Variants in DGKB observed in about 807,000 individuals in gnomAD.
The protein encoded by DGKB is 90 kDa diacylglycerol kinase.
In DGKB, 67 loss-of-function variants were observed where a neutral mutation model predicts 114.3. The observed-to-expected ratio is 0.59, with a 90% confidence interval of 0.48 to 0.72. DGKB has a LOEUF of 0.72. Among genes scored for constraint, DGKB ranks in the 30% least tolerant of loss-of-function variants. DGKB has a pLI of 0.00. For synonymous variants in DGKB, 398 were observed against 323.1 expected (o/e 1.23, Z -2.49); for missense variants, 907 against 975.2 (o/e 0.93, Z 0.93).
At chr7:14,389,436 G>T (rs991612571) in intron 21 of DGKB, among the ~76,000 whole-genome samples, 1 of 152,196 alleles carries the variant, frequency 6.6e-6, no homozygotes, top group Admixed American at 6.5e-5. Flanking sequence ...GAAGGGATGA[G>T]ATTATAGTCC....
intron 23 of DGKB, among the ~76,000 whole-genome samples, chr7:14,242,750 C>A (rs527745331): frequency 1.3e-5 from 2 of 152,112 alleles, no homozygotes; most frequent in African/African-American, 4.8e-5. Context: ...TCACCTATAC[C>A]CTTCATAACC....
intron 19 of DGKB, among the ~76,000 whole-genome samples, chr7:14,574,881 A>C (rs1183754762): frequency 6.6e-6 from 1 of 152,160 alleles, no homozygotes; most frequent in Non-Finnish European, 1.5e-5. Flanking sequence ...TAAGCTTTAA[A>C]ATTTCGTTTC....
chr7:14,922,466 C>T (rs1173134742), intron 1 of DGKB, among the ~76,000 whole-genome samples: 1 of 150,632 alleles, frequency 6.6e-6, no homozygotes, highest in Non-Finnish European at 1.5e-5. Context: ...TAAATATTGT[C>T]ATACTACATT....
chr7:14,703,116 G>C (rs1372358079), intron 6 of DGKB, among the ~76,000 whole-genome samples: 1 of 152,172 alleles, frequency 6.6e-6, no homozygotes, highest in Non-Finnish European at 1.5e-5. Flanking sequence ...GGCATTTCAA[G>C]AGATTGTAGT....
chr7:14,939,583 C>T (rs542876876), intron 1 of DGKB, among the ~76,000 whole-genome samples: 2 of 148,496 alleles, frequency 1.3e-5, no homozygotes, highest in South Asian at 4.3e-4. Flanking sequence ...GGAAATAGAG[C>T]ACAAAGTAAA....
intron 25 of DGKB, among the ~76,000 whole-genome samples, chr7:14,159,185 C>A (rs772002784): frequency 1.3e-5 from 2 of 152,140 alleles, no homozygotes; most frequent in Admixed American, 6.6e-5. Flanking sequence ...GTATGCCTCA[C>A]CCCACGCTGC....
intron 23 of DGKB, among the ~76,000 whole-genome samples, chr7:14,314,298 C>CTGAG (rs756889200): frequency 3.3e-5 from 5 of 152,094 alleles, no homozygotes; most frequent in Non-Finnish European, 5.9e-5. Flanking sequence ...CTTTGACGAG[C>CTGAG]TGAGAGAAGA....
intron 20 of DGKB, among the ~76,000 whole-genome samples, chr7:14,488,338 T>C (rs1316503802): frequency 6.6e-6 from 1 of 152,192 alleles, no homozygotes; most frequent in African/African-American, 2.4e-5. Context: ...TTCACATAAT[T>C]AACTGTAAGC....
intron 21 of DGKB, among the ~76,000 whole-genome samples, chr7:14,463,008 A>T (rs149358053): frequency 0.014 from 2,160 of 152,296 alleles, 55 homozygotes; most frequent in African/African-American, 0.047. Flanking sequence ...TCCCTATTTA[A>T]AAAAAGGTGT....
In DGKB at chr7:14,682,223, C is replaced by T. The variant is rs185063659; in HGVS notation, c.1035+330G>A. 1.5e-3 allele frequency among the ~76,000 whole-genome samples: 229 copies of T among 152,062 alleles called. 1 individual carries two copies. The highest frequency in any genetic ancestry group is 5.3e-3 in the African/African-American group (220 of 41,506). On this transcript the variant is annotated intron_variant, in intron 12 of 25. Coordinates refer to ENST00000402815, the MANE Select transcript of DGKB (RefSeq NM_001350709.2). Reference sequence around the variant, plus strand: ...GAGTAAAGGGAGAGCTGAGTTCTACCCAAACAGTATCCTATTCTTATTGCT... The same window carrying T: ...GAGTAAAGGGAGAGCTGAGTTCTACTCAAACAGTATCCTATTCTTATTGCT...
At chr7:14,689,169 A>C (rs1042282607) in intron 9 of DGKB, among the ~76,000 whole-genome samples, 1 of 150,500 alleles carries the variant, frequency 6.6e-6, no homozygotes, top group African/African-American at 2.4e-5. Flanking sequence ...CCAAAAAAAA[A>C]ATTATGACAA....
chr7:14,237,781 T>A (rs1480780299), intron 23 of DGKB, among the ~76,000 whole-genome samples: 1 of 151,976 alleles, frequency 6.6e-6, no homozygotes, highest in Non-Finnish European at 1.5e-5. Context: ...TTTGCCTGTT[T>A]AAGATAACAT....
At chr7:14,250,878 G>A (rs1185038540) in intron 23 of DGKB, among the ~76,000 whole-genome samples, 2 of 152,166 alleles carry the variant, frequency 1.3e-5, no homozygotes, top group East Asian at 3.9e-4. Flanking sequence ...TTATCATAAT[G>A]TAATAACCTT....
chr7:14,860,945 A>G (rs959751865), intron 1 of DGKB, among the ~76,000 whole-genome samples: 5 of 151,992 alleles, frequency 3.3e-5, no homozygotes, highest in Non-Finnish European at 5.9e-5. Flanking sequence ...GACACAATGT[A>G]TGTCCTTCAT....
At chr7:14,273,359 A>G (rs1486433871) in intron 23 of DGKB, among the ~76,000 whole-genome samples, 2 of 152,112 alleles carry the variant, frequency 1.3e-5, no homozygotes, top group Admixed American at 1.3e-4. Flanking sequence ...AAAAATAAAA[A>G]ATACATAAAA....
intron 5 of DGKB, among the ~76,000 whole-genome samples, chr7:14,724,904 T>A (rs1467749646): frequency 2.0e-5 from 3 of 152,208 alleles, no homozygotes; most frequent in African/African-American, 7.2e-5. Context: ...GTTCAGTGGT[T>A]CACACCTGTA....
chr7:14,673,477 A>T (rs966027489), intron 12 of DGKB, among the ~76,000 whole-genome samples: 2 of 148,448 alleles, frequency 1.3e-5, no homozygotes, highest in Non-Finnish European at 3.0e-5. Context: ...GGCATAATTG[A>T]TCCCATCATT....
chr7:14,542,855 A>C (rs557532076), intron 20 of DGKB, among the ~76,000 whole-genome samples: 1 of 152,278 alleles, frequency 6.6e-6, no homozygotes, highest in Non-Finnish European at 1.5e-5. Context: ...CTAAAGCCAC[A>C]CTGCTCTCAA....
chr7:14,635,251 G>C, intron 13 of DGKB, among the ~76,000 whole-genome samples: 1 of 151,154 alleles, frequency 6.6e-6, no homozygotes, highest in African/African-American at 2.4e-5. Flanking sequence ...TAGTAAATAT[G>C]ATTGTTTATG....
Sources: gnomAD v4.1 joint callset for allele counts (sites outside exome capture counted in the v4.1 genomes callset) on GRCh38, gnomAD v4.1.1 for gene constraint, MANE v1.5 for transcripts, NCBI Gene and HGNC (gene_info 2026-07-23, HGNC 2026-07-21) for gene names.